Variants in BLTP1 observed in about 807,000 individuals in gnomAD.
BLTP1 encodes the protein fragile site-associated protein.
chr4:122,210,920 T>C, the BLTP1 span: 1 of 1,613,652 alleles, frequency 6.2e-7, no homozygotes, highest in Non-Finnish European at 8.5e-7. Flanking sequence ...CTATCTGTAT[T>C]AAGGCCATCC....
chr4:122,252,952 A>G, the BLTP1 span, among the ~76,000 whole-genome samples: 14 of 152,220 alleles, frequency 9.2e-5, no homozygotes, highest in African/African-American at 2.9e-4. Context: ...CTCAGCACAC[A>G]CAGAGAGAGA....
the BLTP1 span, chr4:122,200,416 A>G: frequency 1.9e-6 from 1 of 536,370 alleles, no homozygotes; most frequent in African/African-American, 2.1e-5. Context: ...TGCCTCTACT[A>G]AAAATACAAA....
the BLTP1 span, chr4:122,209,411 G>A: frequency 2.6e-5 from 36 of 1,406,716 alleles, no homozygotes; most frequent in South Asian, 4.9e-5. Flanking sequence ...TTGGGAGGCC[G>A]AGATGGGTGG....
the BLTP1 span, chr4:122,274,419 G>A: frequency 6.2e-7 from 1 of 1,603,384 alleles, no homozygotes; most frequent in Non-Finnish European, 8.5e-7. Flanking sequence ...TGCTTGAAGG[G>A]ATTACACCAA....
chr4:122,362,298 C>T, the BLTP1 span: 1 of 1,375,970 alleles, frequency 7.3e-7, no homozygotes, highest in Non-Finnish European at 1.0e-6. Flanking sequence ...TTTTATTACA[C>T]TGGAGTGTTT....
chr4:122,331,651 G>A, the BLTP1 span: 1 of 1,443,806 alleles, frequency 6.9e-7, no homozygotes. Flanking sequence ...GATTTGAAGT[G>A]TAAATGTAAT....
chr4:122,164,001 C>G, the BLTP1 span, among the ~76,000 whole-genome samples: 6 of 152,252 alleles, frequency 3.9e-5, no homozygotes, highest in Non-Finnish European at 8.8e-5. Context: ...GTAGGCATTC[C>G]TCTTTCCATT....
the BLTP1 span, chr4:122,247,352 C>A: frequency 6.2e-7 from 1 of 1,613,044 alleles, no homozygotes; most frequent in Non-Finnish European, 8.5e-7. Flanking sequence ...GGTCTTGATA[C>A]AACAGGTAGG....
At chr4:122,306,533 T>G in the BLTP1 span, 20 of 982,616 alleles carry the variant, frequency 2.0e-5, no homozygotes, top group East Asian at 2.3e-3. Context: ...CCTATGCTTC[T>G]TAGAGGAGAA....
At chr4:122,330,844 T>A in the BLTP1 span, 1 of 213,818 alleles carries the variant, frequency 4.7e-6, no homozygotes, top group African/African-American at 2.4e-5. Flanking sequence ...TTTCAGGTGT[T>A]AAGTCTTTAA....
At chr4:122,342,961 A>G in the BLTP1 span, among the ~76,000 whole-genome samples, 8 of 152,216 alleles carry the variant, frequency 5.3e-5, no homozygotes, top group Non-Finnish European at 1.5e-5. Flanking sequence ...TCTCTAACAG[A>G]TTTTTTTACT....
the BLTP1 span, chr4:122,251,546 G>A: frequency 1.0e-6 from 1 of 981,820 alleles, no homozygotes; most frequent in Non-Finnish European, 1.2e-6. Context: ...CTTTAATTAA[G>A]GAAATTTAAA....
At chr4:122,341,115 A>C in the BLTP1 span, among the ~76,000 whole-genome samples, 63 of 152,284 alleles carry the variant, frequency 4.1e-4, no homozygotes, top group African/African-American at 1.5e-3. Context: ...TTTCAAAATA[A>C]TACTAAAATC....
chr4:122,281,103 C>T, the BLTP1 span, among the ~76,000 whole-genome samples: 1 of 152,092 alleles, frequency 6.6e-6, no homozygotes, highest in South Asian at 2.1e-4. Context: ...AGACAAAGCA[C>T]ACAATGCACT....
At chr4:122,235,319 C>G in the BLTP1 span, 1 of 980,562 alleles carries the variant, frequency 1.0e-6, no homozygotes, top group Non-Finnish European at 1.2e-6. Flanking sequence ...TCCTGTAGCA[C>G]AGCATCCAGA....
chr4:122,340,207 G>T, the BLTP1 span, among the ~76,000 whole-genome samples: 1 of 152,104 alleles, frequency 6.6e-6, no homozygotes, highest in African/African-American at 2.4e-5. Context: ...AGAAACCAGA[G>T]ATGCTGCTAA....
chr4:122,332,524 C>T, the BLTP1 span, among the ~76,000 whole-genome samples: 1 of 151,840 alleles, frequency 6.6e-6, no homozygotes, highest in East Asian at 1.9e-4. Flanking sequence ...TTACATCACT[C>T]ATGCAAGGCA....
At chr4:122,200,507 G>A in the BLTP1 span, 9 of 839,902 alleles carry the variant, frequency 1.1e-5, no homozygotes, top group African/African-American at 1.7e-4. Flanking sequence ...TTGAAGCTGG[G>A]AGGCGGAGGT....
the BLTP1 span, among the ~76,000 whole-genome samples, chr4:122,240,706 A>G: frequency 2.6e-5 from 4 of 152,304 alleles, no homozygotes; most frequent in African/African-American, 7.2e-5. Flanking sequence ...TTATTAATTC[A>G]TAACTCCTTC....
Sources: gnomAD v4.1 joint callset for allele counts (sites outside exome capture counted in the v4.1 genomes callset) on GRCh38, gnomAD v4.1.1 for gene constraint, MANE v1.5 for transcripts, NCBI Gene and HGNC (gene_info 2026-07-23, HGNC 2026-07-21) for gene names.